The following FBXL13 variants were observed in gnomAD, a reference collection of about 807,000 sequenced individuals.
The protein encoded by FBXL13 is F-box and leucine rich repeat protein 13, also known as F-box and leucine-rich repeat protein 13.
In FBXL13, 67 loss-of-function variants were observed where a neutral mutation model predicts 83.6. That is an observed-to-expected ratio of 0.80 (90% CI 0.66 to 0.98). The LOEUF is 0.98. Among genes scored for constraint, FBXL13 ranks in the 50% least tolerant of loss-of-function variants. The pLI is 0.00. For synonymous variants in FBXL13, 272 were observed against 299.5 expected (o/e 0.91, Z 0.95); for missense variants, 822 against 866.5 (o/e 0.95, Z 0.64).
rs1365795255 is a variant in FBXL13, at chr7:102,998,125, G to A, written c.495+26938C>T. On this transcript the variant is annotated intron_variant, in intron 6 of 19. Coordinates refer to ENST00000313221, the Ensembl canonical transcript of FBXL13. ...TGATATCTCATTGTGCTTTTGGTAC[G>A]CATTTCCCTGATGATTCGTGATGTT... Among the ~76,000 whole-genome samples, 6 of 152,176 alleles carry A rather than the reference G, an allele frequency of 3.9e-5. No homozygotes were observed. The East Asian group carries it at 7.7e-4, about 20-fold the overall frequency.
rs538344996 is a variant in FBXL13 at position 102,960,252 on chromosome 7, C to T, written c.724+3281G>A. Among the ~76,000 whole-genome samples the T allele has an allele frequency of 3.2e-4, 48 of 151,996 alleles. 1 individual carries two copies. Among genetic ancestry groups the T allele is most frequent in the Admixed American group, 6.6e-4 (10 of 15,218 alleles). The stretch of plus-strand genomic sequence containing the variant: ...AATCTAGAAGAAATGGATAAATTCC[C>T]GGACACATACACTCTCCCAAGACTA... On this transcript the variant is annotated intron_variant, in intron 8 of 19. Coordinates refer to ENST00000313221, the Ensembl canonical transcript of FBXL13.
chr7:102,973,765 C>T (rs1236931756), intron 6 of FBXL13: 1 of 764,948 alleles, frequency 1.3e-6, no homozygotes, highest in African/African-American at 1.7e-5. Context: ...ACTGATCTCA[C>T]CTACTGGTAA....
At chr7:102,814,403 G>C (rs998764116) in intron 19 of FBXL13, 1 of 152,102 alleles carries the variant, frequency 6.6e-6, no homozygotes, top group Non-Finnish European at 1.5e-5. Context: ...CATACACTTC[G>C]AGTTAAGTTT....
chr7:103,051,083 A>C (rs569630853), intron 2 of FBXL13, among the ~76,000 whole-genome samples: 15 of 152,334 alleles, frequency 9.8e-5, no homozygotes, highest in African/African-American at 3.6e-4. Flanking sequence ...GAAGGAACTT[A>C]GTTTTCCAGA....
At chr7:103,036,404 T>C (rs754026371) in intron 2 of FBXL13, among the ~76,000 whole-genome samples, 1 of 152,302 alleles carries the variant, frequency 6.6e-6, no homozygotes, top group African/African-American at 2.4e-5. Context: ...AGAAGCCATG[T>C]CTTTAATACA....
chr7:102,998,334 T>C (rs965928567), intron 6 of FBXL13, among the ~76,000 whole-genome samples: 3 of 152,196 alleles, frequency 2.0e-5, no homozygotes, highest in Non-Finnish European at 4.4e-5. Context: ...TATTTTCTCC[T>C]ATTCTGTTGG....
chr7:103,011,471 C>T (rs1036821561), intron 6 of FBXL13, among the ~76,000 whole-genome samples: 2 of 151,828 alleles, frequency 1.3e-5, no homozygotes, highest in Non-Finnish European at 2.9e-5. Flanking sequence ...CCCATCTCTA[C>T]TAAAAAATAC....
At chr7:102,997,053 C>T (rs761311389) in intron 6 of FBXL13, among the ~76,000 whole-genome samples, 1 of 152,118 alleles carries the variant, frequency 6.6e-6, no homozygotes, top group African/African-American at 2.4e-5. Context: ...TCATAAAAAA[C>T]GTGAAGCCTT....
chr7:103,032,584 G>T (rs1217826157), intron 2 of FBXL13, among the ~76,000 whole-genome samples: 1 of 152,194 alleles, frequency 6.6e-6, no homozygotes, highest in East Asian at 1.9e-4. Flanking sequence ...AAACTCAGTT[G>T]ATGCGAGGAT....
At chr7:102,830,774 A>T (rs1800524097) in intron 18 of FBXL13, among the ~76,000 whole-genome samples, 2 of 152,232 alleles carry the variant, frequency 1.3e-5, no homozygotes, top group Non-Finnish European at 2.9e-5. Flanking sequence ...AGTGTGTACA[A>T]TAGAAGAGAA....
chr7:102,997,670 A>C (rs1405180416), intron 6 of FBXL13, among the ~76,000 whole-genome samples: 1 of 152,198 alleles, frequency 6.6e-6, no homozygotes, highest in Middle Eastern at 3.4e-3. Context: ...AACATGTGAT[A>C]TTTGTCTTTC....
intron 16 of FBXL13, among the ~76,000 whole-genome samples, chr7:102,869,894 G>C (rs1289562686): frequency 6.6e-6 from 1 of 152,206 alleles, no homozygotes; most frequent in Non-Finnish European, 1.5e-5. Flanking sequence ...ACGAGAAACA[G>C]TGCTTGAACT....
chr7:103,019,571 G>A (rs1008492255), intron 6 of FBXL13, among the ~76,000 whole-genome samples: 4 of 151,758 alleles, frequency 2.6e-5, no homozygotes, highest in East Asian at 3.9e-4. Flanking sequence ...ATTGACAGAC[G>A]GATAGCAAGA....
chr7:102,898,207 C>T (rs988443244), intron 11 of FBXL13, among the ~76,000 whole-genome samples: 4 of 151,958 alleles, frequency 2.6e-5, no homozygotes, highest in African/African-American at 9.7e-5. Flanking sequence ...TATATACACC[C>T]ATGTATATAT....
At chr7:102,872,600 C>G (rs1376043879) in intron 16 of FBXL13, among the ~76,000 whole-genome samples, 2 of 152,304 alleles carry the variant, frequency 1.3e-5, no homozygotes, top group African/African-American at 4.8e-5. Flanking sequence ...ACTGAACTGC[C>G]CTCACCATGG....
chr7:102,890,960 T>C (rs988320495), intron 11 of FBXL13, among the ~76,000 whole-genome samples: 2 of 152,260 alleles, frequency 1.3e-5, no homozygotes, highest in African/African-American at 4.8e-5. Context: ...TATATTTTTA[T>C]GTCCTCTTAG....
chr7:103,054,112 C>T (rs935062618), intron 2 of FBXL13, among the ~76,000 whole-genome samples: 7 of 152,142 alleles, frequency 4.6e-5, no homozygotes, highest in African/African-American at 1.7e-4. Flanking sequence ...ATATCATGCA[C>T]GGGCCAAGCA....
chr7:103,069,498 C>G (rs1344895658), intron 1 of FBXL13, among the ~76,000 whole-genome samples: 1 of 152,192 alleles, frequency 6.6e-6, no homozygotes, highest in East Asian at 1.9e-4. Context: ...CTCCGAAGAG[C>G]AGAACCAAAT....
At chr7:102,842,629 C>T in intron 17 of FBXL13, among the ~76,000 whole-genome samples, 1 of 152,242 alleles carries the variant, frequency 6.6e-6, no homozygotes, top group East Asian at 1.9e-4. Flanking sequence ...ATGAACTCAA[C>T]CCTTCTTACA....
Sources: allele counts gnomAD v4.1 joint callset (sites outside exome capture counted in the v4.1 genomes callset), GRCh38; gene constraint gnomAD v4.1.1; transcripts MANE v1.5; gene names NCBI Gene and HGNC (gene_info 2026-07-23, HGNC 2026-07-21).